LRP1B: variants seen among roughly 807,000 people sequenced by gnomAD.
The protein encoded by LRP1B is low-density lipoprotein receptor-related protein 1B.
In LRP1B, 217 loss-of-function variants were observed where a neutral mutation model predicts 556.6. That is an observed-to-expected ratio of 0.39 (90% CI 0.35 to 0.44). The LOEUF is 0.44. Ranked by LOEUF, LRP1B falls within the 20% of genes least tolerant of loss-of-function variation. The probability of loss-of-function intolerance (pLI) is 1.00; values close to 1 mark genes in which losing one functional copy is unlikely to be tolerated. For missense variants in LRP1B, 5,053 were observed against 5,620.8 expected, an observed-to-expected ratio of 0.90 and a Z score of 3.23; for synonymous variants, 2,047 against 1,865.8, an observed-to-expected ratio of 1.10 and a Z score of -2.50.
intron 18 of LRP1B, among the ~76,000 whole-genome samples, chr2:140,966,055 A>T (rs368086143): frequency 0.069 from 10,439 of 152,218 alleles, 426 homozygotes; most frequent in Non-Finnish European, 0.087. Context: ...TTTATAATCC[A>T]TTGGGTATAT....
At chr2:140,383,731 G>T (rs1360905755) in intron 67 of LRP1B, among the ~76,000 whole-genome samples, 1 of 152,054 alleles carries the variant, frequency 6.6e-6, no homozygotes, top group Non-Finnish European at 1.5e-5. Context: ...TATTACAATT[G>T]TAAAATACTT....
chr2:141,516,198 C>T (rs1229515175), intron 2 of LRP1B, among the ~76,000 whole-genome samples: 1 of 152,166 alleles, frequency 6.6e-6, no homozygotes, highest in Admixed American at 6.5e-5. Context: ...TCAAAGGTTA[C>T]AAGAGCCTTC....
intron 3 of LRP1B, among the ~76,000 whole-genome samples, chr2:141,327,107 T>A (rs551338236): frequency 2.0e-5 from 3 of 152,202 alleles, no homozygotes; most frequent in African/African-American, 7.2e-5. Flanking sequence ...TTAAAATGAC[T>A]CGCAGACTTC....
chr2:141,072,285 A>G (rs911631363), intron 7 of LRP1B, among the ~76,000 whole-genome samples: 1 of 152,104 alleles, frequency 6.6e-6, no homozygotes, highest in Non-Finnish European at 1.5e-5. Context: ...TTGAAGAATC[A>G]TCTACAATCT....
intron 1 of LRP1B, among the ~76,000 whole-genome samples, chr2:141,902,212 TTC>T (rs1358088908): frequency 2.0e-5 from 3 of 151,646 alleles, no homozygotes; most frequent in Admixed American, 6.6e-5. Flanking sequence ...TAGCATTAGT[TTC>T]TTTCTTCCAG....
intron 41 of LRP1B, among the ~76,000 whole-genome samples, chr2:140,685,739 A>C (rs1188658542): frequency 1.1e-4 from 17 of 152,324 alleles, no homozygotes; most frequent in Middle Eastern, 3.4e-3. Context: ...TTCATAATAA[A>C]ATCACTTTTT....
chr2:141,294,606 G>A (rs937161014), intron 3 of LRP1B, among the ~76,000 whole-genome samples: 15 of 151,732 alleles, frequency 9.9e-5, no homozygotes, highest in Non-Finnish European at 1.9e-4. Flanking sequence ...TGGATGCCAT[G>A]GCATGTGCCT....
At chr2:141,643,132 C>T (rs892967939) in intron 2 of LRP1B, among the ~76,000 whole-genome samples, 2 of 152,114 alleles carry the variant, frequency 1.3e-5, no homozygotes, top group Admixed American at 6.6e-5. Context: ...GCAAAAGCAG[C>T]AGTCTATTTC....
chr2:141,595,129 A>C lies in LRP1B; in HGVS notation c.206-114596T>G, dbSNP rs78657157. 3.6e-3 allele frequency among the ~76,000 whole-genome samples: 541 copies of C among 152,250 alleles called. 3 individuals carry two copies. The highest frequency in any genetic ancestry group is 0.013 in the African/African-American group (526 of 41,580). ...ATATATTTACCTATTAATTTGATTA[A>C]ATTTTATGCAGTACTGGATTACAAA... On this transcript the variant is annotated intron_variant, in intron 2 of 90. Coordinates refer to ENST00000389484, the MANE Select transcript of LRP1B (RefSeq NM_018557.3).
At chr2:141,183,743 C>A (rs1681114289) in intron 7 of LRP1B, among the ~76,000 whole-genome samples, 1 of 151,946 alleles carries the variant, frequency 6.6e-6, no homozygotes, top group East Asian at 1.9e-4. Flanking sequence ...GAGATCTTCC[C>A]CCTCCCTCAA....
intron 1 of LRP1B, among the ~76,000 whole-genome samples, chr2:142,082,586 G>A (rs747687971): frequency 1.3e-5 from 2 of 152,156 alleles, no homozygotes; most frequent in Non-Finnish European, 2.9e-5. Context: ...CGGAACAATT[G>A]TATCCTTGGA....
chr2:140,297,092 C>A (rs1483988588), intron 84 of LRP1B, among the ~76,000 whole-genome samples: 2 of 151,972 alleles, frequency 1.3e-5, no homozygotes, highest in Admixed American at 6.6e-5. Flanking sequence ...GGGGTCAGGA[C>A]TTGAGATGGA....
At chr2:140,362,458 A>G (rs897352387) in intron 72 of LRP1B, among the ~76,000 whole-genome samples, 17 of 151,778 alleles carry the variant, frequency 1.1e-4, no homozygotes, top group African/African-American at 4.1e-4. Context: ...TATGTTGAAA[A>G]TATTTTTAAG....
chr2:141,384,109 ATTTT>A (rs1313358311), intron 3 of LRP1B, among the ~76,000 whole-genome samples: 1 of 152,162 alleles, frequency 6.6e-6, no homozygotes, highest in African/African-American at 2.4e-5. Context: ...AAATATATAC[ATTTT>A]TTATTTTTTA....
chr2:140,808,449 ACT>A lies in LRP1B; in HGVS notation c.5359+5206_5359+5207del, dbSNP rs749050953. 1.1e-3 allele frequency among the ~76,000 whole-genome samples: 168 copies of A among 152,292 alleles called. 3 individuals are homozygous for A. Among genetic ancestry groups the A allele is most frequent in the Non-Finnish European group, 2.1e-3 (142 of 68,030 alleles). ...CACAGCATTCCTTCAATCTTCTCTC[ACT>A]GTCTCTTCAGATCTTTACTCAGAAG... is the stretch of plus-strand genomic sequence containing the variant. On this transcript the variant is annotated intron_variant, in intron 32 of 90. Transcript: ENST00000389484.
chr2:141,253,815 G>A (rs948440675), intron 4 of LRP1B, among the ~76,000 whole-genome samples: 4 of 151,778 alleles, frequency 2.6e-5, no homozygotes, highest in Admixed American at 6.6e-5. Context: ...GAGAGGCAGA[G>A]AGAGAGAGAC....
intron 2 of LRP1B, among the ~76,000 whole-genome samples, chr2:141,697,766 A>G (rs955390310): frequency 3.3e-5 from 5 of 151,978 alleles, no homozygotes; most frequent in East Asian, 1.9e-4. Context: ...ATAAGAAACA[A>G]TTGGCTCCAT....
At chr2:140,236,113 AAATAT>A (rs1680686087) in intron 89 of LRP1B, among the ~76,000 whole-genome samples, 1 of 151,000 alleles carries the variant, frequency 6.6e-6, no homozygotes, top group African/African-American at 2.4e-5. Flanking sequence ...CTAATTAGAA[AAATAT>A]AATATTCTCT....
chr2:140,840,580 T>C (rs1692070711), intron 30 of LRP1B, among the ~76,000 whole-genome samples: 1 of 152,176 alleles, frequency 6.6e-6, no homozygotes. Context: ...GTGACCATGA[T>C]ACCAACATGT....
Sources: allele counts gnomAD v4.1 joint callset (sites outside exome capture counted in the v4.1 genomes callset), GRCh38; gene constraint gnomAD v4.1.1; transcripts MANE v1.5; gene names NCBI Gene and HGNC (gene_info 2026-07-23, HGNC 2026-07-21).